The following ECM2 variants were observed in gnomAD, a reference collection of about 807,000 sequenced individuals.
The protein encoded by ECM2 is extracellular matrix protein 2, female organ and adipocyte specific.
In ECM2, 57 loss-of-function variants were observed where a neutral mutation model predicts 67.5. The observed-to-expected ratio is 0.84, with a 90% confidence interval of 0.68 to 1.05. ECM2 has a LOEUF of 1.05. Ranked by LOEUF, ECM2 falls within the 50% of genes least tolerant of loss-of-function variation. The probability of loss-of-function intolerance (pLI) is 0.00; values close to 1 mark genes in which losing one functional copy is unlikely to be tolerated. For synonymous variants in ECM2, 258 were observed against 294.5 expected (o/e 0.88, Z 1.27); for missense variants, 741 against 822.8 (o/e 0.90, Z 1.22).
At chr9:92,499,390 A>G (rs939632264) in intron 9 of ECM2, among the ~76,000 whole-genome samples, 2 of 152,218 alleles carry the variant, frequency 1.3e-5, no homozygotes, top group African/African-American at 4.8e-5. Context: ...AATTCCAGCT[A>G]ATGAGCATGA....
chr9:92,517,342 A>T (rs1010990866), intron 3 of ECM2: 8 of 422,802 alleles, frequency 1.9e-5, no homozygotes, highest in Non-Finnish European at 3.0e-5. Flanking sequence ...AAGTGGGATA[A>T]TGCACATATA....
intron 6 of ECM2, 52 bp from the exon 7 acceptor site, chr9:92,505,742 A>T: frequency 1.4e-6 from 2 of 1,427,098 alleles, no homozygotes; most frequent in Non-Finnish European, 1.9e-6. Context: ...AACCATGCAA[A>T]TTTTTGTAGC....
chr9:92,505,190 C>T (rs144091744), intron 7 of ECM2, among the ~76,000 whole-genome samples: 9 of 152,250 alleles, frequency 5.9e-5, no homozygotes, highest in African/African-American at 9.6e-5. Flanking sequence ...CTGTGATAAG[C>T]GTCACATTTC....
chr9:92,496,405 A>G lies in ECM2; in HGVS notation c.2010T>C (p.Asn670=), dbSNP rs780967953. The G allele has an allele frequency of 5.0e-6, 8 of 1,610,648 alleles. No homozygotes were observed. The African/African-American group carries it at 1.1e-4, about 22-fold the overall frequency. ...SNLEHLHLEN[N]YIKIREIPSY... Reference sequence around the variant, plus strand: ...ATGGTATTTCTCTAATTTTAATATAATTGTTTTCAAGATGAAGATGTTCCA... The same window carrying G: ...ATGGTATTTCTCTAATTTTAATATAGTTGTTTTCAAGATGAAGATGTTCCA... The change falls in exon 10 of 10, where the codon AAT becomes AAC. Residue 670 remains asparagine (N), a synonymous_variant. Transcript: ENST00000344604.
At position 92,512,087 on chromosome 9, in the gene ECM2, C is replaced by G; in HGVS notation, c.1094G>C (p.Gly365Ala). 1 of 1,613,754 alleles carries G rather than the reference C, an allele frequency of 6.2e-7. No individual in the cohort carries two copies. The highest frequency in any genetic ancestry group is 8.5e-7 in the Non-Finnish European group (1 of 1,179,814). The change falls in exon 5 of 10, where the codon GGA (glycine) becomes GCA (alanine). Residue 365 changes from glycine (G) to alanine (A), a missense_variant. By Grantham distance (60) the Gly-to-Ala change is moderately conservative (BLOSUM62 0). Coordinates refer to ENST00000344604, the MANE Select transcript of ECM2 (RefSeq NM_001393.4). ...ATCAAGCCTTTCCAAATTTGGTAAT[C>G]CATTAAATGCTTCATCTGGGATGGA... ...IASIPDEAFN[G>A]LPNLERLDLS...
upstream of ECM2, among the ~76,000 whole-genome samples, chr9:92,537,986 T>C (rs908928403): frequency 2.0e-5 from 3 of 152,184 alleles, no homozygotes; most frequent in African/African-American, 7.2e-5. Flanking sequence ...ATGTTGATGA[T>C]ATGCTGTGTT....
downstream of ECM2, chr9:92,494,093 G>C (rs768264150): frequency 1.3e-6 from 2 of 1,597,554 alleles, no homozygotes; most frequent in Non-Finnish European, 8.5e-7. Context: ...CTACCAGAGA[G>C]GAAAGGCCAC....
the ECM2 span, among the ~76,000 whole-genome samples, chr9:92,545,622 A>C: frequency 6.6e-6 from 1 of 152,212 alleles, no homozygotes; most frequent in Non-Finnish European, 1.5e-5. Context: ...CCAAGGGCTG[A>C]GGAGTGCGGG....
intron 1 of ECM2, among the ~76,000 whole-genome samples, chr9:92,529,467 A>G (rs540238435): frequency 6.6e-6 from 1 of 152,318 alleles, no homozygotes; most frequent in East Asian, 1.9e-4. Context: ...ATTTACCCAA[A>G]TAAGATGAAA....
At chr9:92,534,795 T>C (rs6479424) in intron 1 of ECM2, among the ~76,000 whole-genome samples, 102,633 of 152,062 alleles carry the variant, frequency 0.67, 36,662 homozygotes, top group African/African-American at 0.92. Context: ...AAGTGTGCTC[T>C]GATGGATATC....
At chr9:92,555,645 C>A in the ECM2 span, among the ~76,000 whole-genome samples, 3 of 152,048 alleles carry the variant, frequency 2.0e-5, no homozygotes, top group African/African-American at 7.2e-5. Flanking sequence ...GGAACTTATT[C>A]ATCTCTTCTA....
At chr9:92,555,212 A>C in the ECM2 span, among the ~76,000 whole-genome samples, 4 of 115,866 alleles carry the variant, frequency 3.5e-5, no homozygotes, top group African/African-American at 1.4e-4. Context: ...TTTTTTTTGG[A>C]AATTTTTTTT....
intron 9 of ECM2, 23 bp from the exon 10 acceptor site, chr9:92,496,506 G>A (rs375081129): frequency 1.1e-5 from 18 of 1,596,248 alleles, no homozygotes; most frequent in African/African-American, 6.8e-5. Context: ...AGACATGCAA[G>A]TCACACATGG....
At position 92,522,811 on chromosome 9, in the gene ECM2, A is replaced by G. The variant is rs751936993; in HGVS notation, c.56T>C (p.Phe19Ser). ...CCTAGGAATTTCTTCATTTTTTCCA[A>G]AGTCAGTTTGAAAAATGATAAGCAG... ...FFLLIIFQTDFGKNEEIPRKQ... is the reference protein window; with the variant it reads ...FFLLIIFQTDSGKNEEIPRKQ... The change falls in exon 2 of 10, where the codon TTT becomes TCT. Residue 19 changes from phenylalanine to serine, a missense_variant. Phe to Ser is a radical substitution (Grantham distance 155). Coordinates refer to ENST00000344604, the MANE Select transcript of ECM2 (RefSeq NM_001393.4). 4 of 1,612,490 alleles carry G rather than the reference A, an allele frequency of 2.5e-6. No homozygotes were observed. Among genetic ancestry groups the G allele is most frequent in the Middle Eastern group, 1.7e-4 (1 of 6,052 alleles).
downstream of ECM2, chr9:92,494,004 T>A: frequency 2.1e-6 from 3 of 1,449,780 alleles, no homozygotes; most frequent in Non-Finnish European, 2.8e-6. Flanking sequence ...CCCAGTGTGC[T>A]CGTCGCATTG....
the ECM2 span, among the ~76,000 whole-genome samples, chr9:92,549,722 C>T: frequency 3.9e-5 from 6 of 151,988 alleles, no homozygotes; most frequent in African/African-American, 1.5e-4. Context: ...TCCCAGACAC[C>T]GGATTAGATA....
chr9:92,550,361 A>C, the ECM2 span, among the ~76,000 whole-genome samples: 1 of 149,346 alleles, frequency 6.7e-6, no homozygotes. Flanking sequence ...GTGCCATTGC[A>C]CTCCAGCCTG....
chr9:92,501,073 A>G lies in ECM2; in HGVS notation c.1605-20T>C, dbSNP rs1270712899. On this transcript the variant is annotated intron_variant, in intron 8 of 9. Transcript: ENST00000344604. Reference sequence around the variant, plus strand: ...AGATTTCTGCAGCAAAGAAAAAAGTAAACAGGGTAGGGACATCAGGATGGT... The same window carrying G: ...AGATTTCTGCAGCAAAGAAAAAAGTGAACAGGGTAGGGACATCAGGATGGT... 1 of 1,608,124 alleles carries G rather than the reference A, an allele frequency of 6.2e-7. No homozygotes were observed. Among genetic ancestry groups the G allele is most frequent in the Non-Finnish European group, 8.5e-7 (1 of 1,175,564 alleles).
chr9:92,532,018 TTTTTTTTTTTATTTTA>T (rs1440152507), intron 1 of ECM2, among the ~76,000 whole-genome samples: 3 of 126,496 alleles, frequency 2.4e-5, no homozygotes, highest in African/African-American at 3.7e-5. Flanking sequence ...ATTTAATGTT[TTTTTTTTTTTATTTTA>T]TTTTTTTTTT....
Sources: allele counts gnomAD v4.1 joint callset (sites outside exome capture counted in the v4.1 genomes callset), GRCh38; gene constraint gnomAD v4.1.1; transcripts MANE v1.5; gene names NCBI Gene and HGNC (gene_info 2026-07-23, HGNC 2026-07-21).